Variants in NIPSNAP3A observed in about 807,000 individuals in gnomAD.
NIPSNAP3A encodes the protein protein NipSnap homolog 3A.
Under a neutral mutation model 32.3 loss-of-function variants are expected in NIPSNAP3A, and 27 were observed. The ratio of observed to expected loss-of-function variants is 0.84; its 90% CI spans 0.62 to 1.15. The LOEUF (loss-of-function observed/expected upper bound fraction) is 1.15. Ranked by LOEUF, NIPSNAP3A falls within the 50% of genes most tolerant of loss-of-function variation. The pLI is 0.00. For synonymous variants in NIPSNAP3A, 108 were observed against 107.3 expected (o/e 1.01, Z -0.04); for missense variants, 278 against 297.2 (o/e 0.94, Z 0.48).
rs1827949655 is a variant in NIPSNAP3A at position 104,759,613 on chromosome 9, C to T, written c.*275C>T. The T allele has an allele frequency of 2.4e-6, 1 of 420,858 alleles. No homozygotes were observed. The highest frequency in any genetic ancestry group is 2.0e-5 in the African/African-American group (1 of 49,898). The allele number at this position is 420,858 out of a possible 1,614,324, so 26.1% of individuals were successfully genotyped here. A position where few individuals can be genotyped will look rare whatever the true frequency, so the allele number is the denominator to read the frequency against. On this transcript the variant is annotated 3_prime_UTR_variant, in exon 6 of 6. Coordinates refer to ENST00000374767, the MANE Select transcript of NIPSNAP3A (RefSeq NM_015469.3). ...TGACTCTTCATTTGTTTCAGAATAG[C>T]TCTTCTACTGTATTCTGACAACTCT...
intron 1 of NIPSNAP3A, 146 bp downstream of exon 1, chr9:104,747,998 C>CCCCGGAAACCCAAGACAGGGGTA: frequency 1.5e-6 from 1 of 684,356 alleles, no homozygotes; most frequent in Non-Finnish European, 2.4e-6. Context: ...CTAGCGTGAG[C>CCCCGGAAACCCAAGACAGGGGTA]CCCGGAACCC....
chr9:104,753,569 T>A (rs913845074), intron 3 of NIPSNAP3A: 25 of 153,486 alleles, frequency 1.6e-4, no homozygotes, highest in Admixed American at 6.5e-4. Flanking sequence ...TTGTGTCTTC[T>A]TTCTTGTTTC....
At position 104,754,691 on chromosome 9, in the gene NIPSNAP3A, C is replaced by T. The variant is rs756310186; in HGVS notation, c.571C>T (p.Leu191Phe). 1 of 1,613,218 alleles carries T rather than the reference C, an allele frequency of 6.2e-7. No homozygotes were observed. The highest frequency in any genetic ancestry group is 1.1e-5 in the South Asian group (1 of 91,082). ...AGTGTTCCACACAGAGTACGGAGCA[C>T]TCAACAGAGGTACAATTGTCCATTT... ...VGVFHTEYGALNRVHVLWWNE... is the reference protein window; with the variant it reads ...VGVFHTEYGAFNRVHVLWWNE... Residue 191 changes from leucine to phenylalanine, a missense_variant, in exon 4 of 6, where the codon CTC (leucine) becomes TTC (phenylalanine). Coordinates refer to ENST00000374767, the MANE Select transcript of NIPSNAP3A (RefSeq NM_015469.3).
chr9:104,758,551 T>G (rs1380830738), intron 4 of NIPSNAP3A, among the ~76,000 whole-genome samples: 4 of 152,182 alleles, frequency 2.6e-5, no homozygotes, highest in Non-Finnish European at 5.9e-5. Context: ...TCTTCATCTA[T>G]AAAACCAATT....
chr9:104,759,374 T>C lies in NIPSNAP3A; in HGVS notation c.*36T>C. The stretch of plus-strand genomic sequence containing the variant: ...AAATACAAAACATTTCATTAACTGC[T>C]ATAGGATCTGTCTGCTAATGGTGCT... On this transcript the variant is annotated 3_prime_UTR_variant, in exon 6 of 6. Coordinates refer to ENST00000374767, the MANE Select transcript of NIPSNAP3A (RefSeq NM_015469.3). 6.3e-7 allele frequency: 1 copy of C among 1,586,288 alleles called. No individual in the cohort carries two copies. Among genetic ancestry groups the C allele is most frequent in the Non-Finnish European group, 8.6e-7 (1 of 1,156,824 alleles).
intron 2 of NIPSNAP3A, 108 bp from the exon 3 acceptor site, chr9:104,752,798 G>C: frequency 2.2e-6 from 2 of 924,974 alleles, no homozygotes; most frequent in East Asian, 2.6e-5. Context: ...CCTAACACAA[G>C]GTTCTTATAT....
intron 4 of NIPSNAP3A, among the ~76,000 whole-genome samples, chr9:104,755,522 A>G (rs898488507): frequency 6.6e-6 from 1 of 152,110 alleles, no homozygotes; most frequent in Non-Finnish European, 1.5e-5. Context: ...TTTATTTAAT[A>G]AAACACATAC....
chr9:104,755,976 T>A (rs1452239033), intron 4 of NIPSNAP3A, among the ~76,000 whole-genome samples: 1 of 152,164 alleles, frequency 6.6e-6, no homozygotes, highest in Non-Finnish European at 1.5e-5. Flanking sequence ...TAACAAATAT[T>A]TGAAAGACTC....
intron 1 of NIPSNAP3A, among the ~76,000 whole-genome samples, chr9:104,750,474 TC>T (rs1317517104): frequency 6.6e-6 from 1 of 152,190 alleles, no homozygotes; most frequent in African/African-American, 2.4e-5. Flanking sequence ...CCTAAGGACT[TC>T]CTAGAACTAA....
At chr9:104,750,838 G>GT in intron 1 of NIPSNAP3A, 118 bp from the exon 2 acceptor site, 1 of 822,890 alleles carries the variant, frequency 1.2e-6, no homozygotes, top group East Asian at 2.5e-5. Flanking sequence ...GACAACAGAA[G>GT]TACAAACATG....
intron 4 of NIPSNAP3A, among the ~76,000 whole-genome samples, chr9:104,755,901 C>T (rs1827900928): frequency 1.3e-5 from 2 of 151,628 alleles, no homozygotes; most frequent in South Asian, 4.2e-4. Context: ...CCCTGAACGA[C>T]ATAGTGAGAC....
rs1455014717 is a variant in NIPSNAP3A, at chr9:104,749,726, A to AATC, written c.61-1229_61-1227dup. 3.3e-5 allele frequency among the ~76,000 whole-genome samples: 5 copies of AATC among 152,212 alleles called. No homozygotes were observed. The East Asian group carries it at 9.6e-4, about 29-fold the overall frequency. On this transcript the variant is annotated intron_variant, in intron 1 of 5. Coordinates refer to ENST00000374767, the MANE Select transcript of NIPSNAP3A (RefSeq NM_015469.3). ...ACACATAGATACCTACATAGAGGAT[A>AATC]ATCTTAGGCGAGGTATTTCTTACAG...
chr9:104,753,296 C>T (rs980371321), intron 3 of NIPSNAP3A, among the ~76,000 whole-genome samples: 1 of 152,112 alleles, frequency 6.6e-6, no homozygotes, highest in African/African-American at 2.4e-5. Flanking sequence ...ATTTGTAAAG[C>T]TTAACTGTGT....
rs1253209751 is a variant in NIPSNAP3A at position 104,747,871 on chromosome 9, C to T, written c.60+19C>T. On this transcript the variant is annotated intron_variant, in intron 1 of 5. Transcript: ENST00000374767. The stretch of plus-strand genomic sequence containing the variant: ...GCCTCAGGTACCGGCCACGGGGGTA[C>T]CCAAGCCTTCACCCGACGGGAGGGG... The T allele has an allele frequency of 6.3e-7, 1 of 1,595,634 alleles. No individual in the cohort carries two copies.
intron 1 of NIPSNAP3A, among the ~76,000 whole-genome samples, chr9:104,749,809 G>T (rs1588159609): frequency 6.6e-6 from 1 of 152,096 alleles, no homozygotes. Context: ...TATTACAAAA[G>T]GAATTAATGG....
chr9:104,758,971 C>CAAAAAAAAAA (rs34457398), intron 4 of NIPSNAP3A, 114 bp from the exon 5 acceptor site: 8 of 402,568 alleles, frequency 2.0e-5, no homozygotes, highest in East Asian at 1.4e-4. Flanking sequence ...ACTCTTGTTT[C>CAAAAAAAAAA]AAAAAAAAAA....
intron 4 of NIPSNAP3A, among the ~76,000 whole-genome samples, chr9:104,756,466 C>T (rs920418209): frequency 2.0e-5 from 3 of 151,980 alleles, no homozygotes; most frequent in Non-Finnish European, 2.9e-5. Context: ...TAGACATGCA[C>T]ATGGCTACTA....
intron 1 of NIPSNAP3A, among the ~76,000 whole-genome samples, chr9:104,749,786 G>A (rs1005472135): frequency 1.1e-4 from 17 of 152,210 alleles, no homozygotes; most frequent in East Asian, 7.7e-4. Context: ...GAAATTTACA[G>A]TGCGTGTATG....
In NIPSNAP3A at chr9:104,750,944, T is replaced by C. The variant is rs1827840586; in HGVS notation, c.61-12T>C. The C allele has an allele frequency of 6.3e-7, 1 of 1,593,086 alleles. No individual in the cohort carries two copies. Among genetic ancestry groups the C allele is most frequent in the Non-Finnish European group, 8.6e-7 (1 of 1,160,910 alleles). On this transcript the variant is annotated splice_polypyrimidine_tract_variant and intron_variant, in intron 1 of 5. Coordinates refer to ENST00000374767, the MANE Select transcript of NIPSNAP3A (RefSeq NM_015469.3). ...CTTCTCAAGATATTTACATTTGTCT[T>C]ATCTTCTTCAGATGTGCTCATCTTT...
Sources: gnomAD v4.1 joint callset for allele counts (sites outside exome capture counted in the v4.1 genomes callset) on GRCh38, gnomAD v4.1.1 for gene constraint, MANE v1.5 for transcripts, NCBI Gene and HGNC (gene_info 2026-07-23, HGNC 2026-07-21) for gene names.